The following FHIT variants were observed in gnomAD, a reference collection of about 807,000 sequenced individuals.
FHIT encodes the protein bis(5'-adenosyl)-triphosphatase.
Under a neutral mutation model 17.9 loss-of-function variants are expected in FHIT, and 19 were observed. The observed-to-expected ratio is 1.06, with a 90% CI of 0.74 to 1.56. The LOEUF (loss-of-function observed/expected upper bound fraction) is 1.56, where lower values mean the gene tolerates loss of function less well. FHIT is among the 40% of genes most tolerant of loss of function. The pLI, the probability that FHIT is intolerant of heterozygous loss-of-function variation, is 0.00. For missense variants in FHIT, 248 were observed against 189.2 expected (o/e 1.31, Z -1.82); for synonymous variants, 81 against 69.7 (o/e 1.16, Z -0.81).
At chr3:60,207,780 A>C (rs1257895346) in intron 5 of FHIT, among the ~76,000 whole-genome samples, 1 of 152,196 alleles carries the variant, frequency 6.6e-6, no homozygotes, top group Non-Finnish European at 1.5e-5. Flanking sequence ...TGTGTGAAAA[A>C]TCTATAGGCT....
At chr3:61,045,644 A>C (rs1291809409) in intron 2 of FHIT, among the ~76,000 whole-genome samples, 1 of 152,230 alleles carries the variant, frequency 6.6e-6, no homozygotes, top group Non-Finnish European at 1.5e-5. Flanking sequence ...TGGACCTAAT[A>C]GACATCTACA....
chr3:60,095,330 A>C (rs1230828384), intron 5 of FHIT, among the ~76,000 whole-genome samples: 1 of 152,198 alleles, frequency 6.6e-6, no homozygotes, highest in Non-Finnish European at 1.5e-5. Flanking sequence ...AATCGTTCCC[A>C]CACATTGGAA....
chr3:60,434,435 G>C (rs75349049), intron 5 of FHIT, among the ~76,000 whole-genome samples: 10,785 of 152,030 alleles, frequency 0.071, 843 homozygotes, highest in East Asian at 0.35. Flanking sequence ...CATCCTGTGA[G>C]ATGAGGGATG....
chr3:60,134,277 C>G (rs546434392), intron 5 of FHIT, among the ~76,000 whole-genome samples: 1 of 152,232 alleles, frequency 6.6e-6, no homozygotes, highest in African/African-American at 2.4e-5. Flanking sequence ...AAAATTGCAA[C>G]ATTTTATGGT....
In FHIT at chr3:59,749,181, T is replaced by G; in HGVS notation, c.*404A>C. ...TGTATAAAAATTCAATATGTAGACA[T>G]TTTTTTTGAAAAGGGAAGAAATAAG... is the stretch of plus-strand genomic sequence containing the variant. On this transcript the variant is annotated 3_prime_UTR_variant, in exon 10 of 10. Transcript: ENST00000492590. 1 of 223,600 alleles carries G rather than the reference T, an allele frequency of 4.5e-6. No individual in the cohort carries two copies. Among genetic ancestry groups the G allele is most frequent in the Non-Finnish European group, 8.9e-6 (1 of 111,834 alleles). 13.9% of individuals were successfully genotyped at this position (223,600 alleles called of 1,614,324 possible).
chr3:60,818,308 G>T (rs1701806135), intron 4 of FHIT, among the ~76,000 whole-genome samples: 1 of 152,128 alleles, frequency 6.6e-6, no homozygotes, highest in Non-Finnish European at 1.5e-5. Flanking sequence ...GTAATTTGGG[G>T]TTGTATGATA....
At chr3:60,665,942 T>C (rs1472019519) in intron 4 of FHIT, among the ~76,000 whole-genome samples, 2 of 152,258 alleles carry the variant, frequency 1.3e-5, no homozygotes, top group Admixed American at 6.5e-5. Context: ...CTTCTTTGTA[T>C]AGTTTTCACT....
intron 4 of FHIT, among the ~76,000 whole-genome samples, chr3:60,737,792 C>T (rs112094634): frequency 0.025 from 3,734 of 152,140 alleles, 59 homozygotes; most frequent in Middle Eastern, 0.041. Flanking sequence ...GGGGTGGGAG[C>T]AGGGTTACAT....
At chr3:60,422,818 T>C (rs1702526165) in intron 5 of FHIT, among the ~76,000 whole-genome samples, 1 of 152,122 alleles carries the variant, frequency 6.6e-6, no homozygotes, top group African/African-American at 2.4e-5. Flanking sequence ...CTTTCCATCA[T>C]CTTAAGAATG....
chr3:60,506,095 G>A (rs1435865124), intron 5 of FHIT, among the ~76,000 whole-genome samples: 1 of 152,090 alleles, frequency 6.6e-6, no homozygotes, highest in African/African-American at 2.4e-5. Flanking sequence ...AGTAAAATGT[G>A]AAAATTTAAT....
chr3:61,013,631 G>C (rs2031918072), intron 3 of FHIT, among the ~76,000 whole-genome samples: 2 of 152,220 alleles, frequency 1.3e-5, no homozygotes, highest in South Asian at 4.1e-4. Flanking sequence ...AAAGAAGGGA[G>C]AGAGAAAAAA....
intron 3 of FHIT, among the ~76,000 whole-genome samples, chr3:60,845,336 CA>C (rs1167933685): frequency 2.0e-5 from 3 of 151,046 alleles, no homozygotes; most frequent in African/African-American, 7.3e-5. Flanking sequence ...AACAAACAAA[CA>C]AAAAAAAAAA....
intron 4 of FHIT, chr3:60,553,441 A>AATATAT: frequency 4.1e-6 from 2 of 483,496 alleles, no homozygotes; most frequent in Non-Finnish European, 2.7e-6. Context: ...ACTGCTTTAA[A>AATATAT]ATATATATAT....
intron 3 of FHIT, among the ~76,000 whole-genome samples, chr3:60,860,137 A>G (rs1703589573): frequency 7.0e-6 from 1 of 143,822 alleles, no homozygotes; most frequent in Non-Finnish European, 1.5e-5. Context: ...TATCTGATAT[A>G]TATACATATG....
chr3:60,833,719 T>C (rs1553743185), intron 3 of FHIT, among the ~76,000 whole-genome samples: 1 of 152,198 alleles, frequency 6.6e-6, no homozygotes, highest in Non-Finnish European at 1.5e-5. Context: ...ATATTGACAA[T>C]GACACATTCA....
At chr3:59,859,261 T>C (rs762422751) in intron 8 of FHIT, among the ~76,000 whole-genome samples, 9 of 152,162 alleles carry the variant, frequency 5.9e-5, no homozygotes, top group Non-Finnish European at 1.2e-4. Context: ...TGAGAAGAGC[T>C]CAGCAGCGTT....
rs75948256 is a variant in FHIT at position 61,153,370 on chromosome 3, C to T, written c.-164+47247G>A. Among the ~76,000 whole-genome samples the T allele has an allele frequency of 5.2e-3, 791 of 152,148 alleles. 7 individuals are homozygous for T. The highest frequency in any genetic ancestry group is 0.018 in the African/African-American group (759 of 41,498). On this transcript the variant is annotated intron_variant, in intron 2 of 9. Transcript: ENST00000492590. Reference sequence around the variant, plus strand: ...CAGAAACATTAAAATATGGAAAATCCATGCTTCTTTAAATAGAGGAAATAC... The same window carrying T: ...CAGAAACATTAAAATATGGAAAATCTATGCTTCTTTAAATAGAGGAAATAC...
At chr3:59,855,258 C>T (rs1260561987) in intron 8 of FHIT, among the ~76,000 whole-genome samples, 1 of 152,186 alleles carries the variant, frequency 6.6e-6, no homozygotes, top group African/African-American at 2.4e-5. Flanking sequence ...ATGAATGCCA[C>T]ATATAAACCA....
intron 7 of FHIT, among the ~76,000 whole-genome samples, chr3:59,987,799 C>G (rs1709051544): frequency 1.3e-5 from 2 of 151,896 alleles, no homozygotes; most frequent in South Asian, 4.1e-4. Context: ...TTATGTTTTT[C>G]AAAGTGAAGG....
Sources: gnomAD v4.1 joint callset for allele counts (sites outside exome capture counted in the v4.1 genomes callset) on GRCh38, gnomAD v4.1.1 for gene constraint, MANE v1.5 for transcripts, NCBI Gene and HGNC (gene_info 2026-07-23, HGNC 2026-07-21) for gene names.